Variants in TMCO6 observed in about 807,000 individuals in gnomAD.
TMCO6 encodes transmembrane and coiled-coil domain-containing protein 6.
A neutral mutation model predicts 61.8 loss-of-function variants in TMCO6; 47 were observed. The observed-to-expected ratio is 0.76, with a 90% CI of 0.60 to 0.97. TMCO6 has a LOEUF of 0.97. Ranked by LOEUF, TMCO6 falls within the 50% of genes least tolerant of loss-of-function variation. TMCO6 has a pLI of 0.00. For synonymous variants in TMCO6, 261 were observed against 254.2 expected (o/e 1.03, Z -0.25); for missense variants, 557 against 601.6 (o/e 0.93, Z 0.78).
chr5:140,622,724 C>CAAAAAAAAAAAAA, the TMCO6 span, among the ~76,000 whole-genome samples: 2 of 105,772 alleles, frequency 1.9e-5, no homozygotes, highest in Non-Finnish European at 4.2e-5. Flanking sequence ...GCTTTAGCTA[C>CAAAAAAAAAAAAA]AAAAAAAAAA....
At chr5:140,638,034 G>A (rs977329698), upstream of TMCO6, among the ~76,000 whole-genome samples, 1 of 143,884 alleles carries the variant, frequency 7.0e-6, no homozygotes, top group African/African-American at 2.6e-5. Flanking sequence ...TAGGAATAAC[G>A]CTCAAAATCC....
chr5:140,643,897 C>T lies in TMCO6; in HGVS notation c.1036C>T (p.Leu346=). The part of the protein sequence containing the change: ...ERVVAALFIL[L]QFFFQKQPSL... Reference sequence around the variant, plus strand: ...TGTTGTGGCAGCCTTATTTATCCTTCTGCAGTTCTTTTTCCAGAAACAGCC... The same window carrying T: ...TGTTGTGGCAGCCTTATTTATCCTTTTGCAGTTCTTTTTCCAGAAACAGCC... Residue 346 remains leucine (L), a synonymous_variant, in exon 9 of 12, where the codon CTG becomes TTG. Coordinates refer to ENST00000394671, the MANE Select transcript of TMCO6 (RefSeq NM_018502.5). 6.2e-7 allele frequency: 1 copy of T among 1,614,226 alleles called. No individual in the cohort carries two copies. The highest frequency in any genetic ancestry group is 8.5e-7 in the Non-Finnish European group (1 of 1,180,034).
the TMCO6 span, among the ~76,000 whole-genome samples, chr5:140,604,078 C>A: frequency 6.6e-6 from 1 of 152,228 alleles, no homozygotes; most frequent in Admixed American, 6.5e-5. Flanking sequence ...CTTTAATTTG[C>A]GTTCCCTTTA....
chr5:140,624,091 G>C, the TMCO6 span, among the ~76,000 whole-genome samples: 1 of 152,066 alleles, frequency 6.6e-6, no homozygotes, highest in African/African-American at 2.4e-5. Context: ...TTTAGGCTTG[G>C]CGTGGTGACT....
the TMCO6 span, among the ~76,000 whole-genome samples, chr5:140,616,134 G>GA: frequency 8.9e-3 from 937 of 104,914 alleles, 1 homozygote; most frequent in African/African-American, 0.02. Context: ...TCCATCTCAA[G>GA]AAAAAAAAAA....
In TMCO6 at chr5:140,642,840, G is replaced by A. The variant is rs1757125786; in HGVS notation, c.690-85G>A. The stretch of plus-strand genomic sequence containing the variant: ...CCATCTGGGCAGGGCTTTGGGTTTG[G>A]ACACTCTCCCACCTGCTATCAGGGT... On this transcript the variant is annotated intron_variant, in intron 6 of 11. Transcript: ENST00000394671. The A allele has an allele frequency of 2.5e-6, 4 of 1,608,422 alleles. No homozygotes were observed. In the South Asian group the frequency reaches 4.4e-5, roughly 18 times the overall value.
At chr5:140,629,305 A>G in the TMCO6 span, among the ~76,000 whole-genome samples, 1 of 150,694 alleles carries the variant, frequency 6.6e-6, no homozygotes, top group African/African-American at 2.5e-5. Context: ...CCAAAAAACT[A>G]AAAAAAATAA....
At chr5:140,644,542 CTTTG>C in intron 10 of TMCO6, 27 bp from the exon 11 acceptor site, 1 of 1,605,094 alleles carries the variant, frequency 6.2e-7, no homozygotes, top group South Asian at 1.1e-5. Context: ...GTGTTTCATT[CTTTG>C]TAGACTATAT....
Position 140,641,653 on chromosome 5 carries a change from C to A in TMCO6, c.199-12C>A. On this transcript the variant is annotated splice_polypyrimidine_tract_variant and intron_variant, in intron 2 of 11. Coordinates refer to ENST00000394671, the MANE Select transcript of TMCO6 (RefSeq NM_018502.5). ...GAACCGTGTGTTCTCCTTTCCCTGC[C>A]CTGAACTCCAGGTGCAGCAGTTCCT... 6.2e-7 allele frequency: 1 copy of A among 1,612,092 alleles called. No homozygotes were observed. Among genetic ancestry groups the A allele is most frequent in the East Asian group, 2.2e-5 (1 of 44,872 alleles).
At chr5:140,647,250 AC>A, downstream of TMCO6, 1 of 1,540,798 alleles carries the variant, frequency 6.5e-7, no homozygotes, top group African/African-American at 1.4e-5. Context: ...GGCGTCCCGC[AC>A]TCACCGTAGC....
At chr5:140,625,008 C>T in the TMCO6 span, among the ~76,000 whole-genome samples, 2 of 151,738 alleles carry the variant, frequency 1.3e-5, no homozygotes, top group South Asian at 2.1e-4. Context: ...CGCTTGGCAC[C>T]GCGCCTGGCT....
rs1757074897 is a variant in TMCO6 at position 140,642,074 on chromosome 5, T to C, written c.498+21T>C. 6.9e-6 allele frequency: 11 copies of C among 1,583,924 alleles called. No homozygotes were observed. In the Middle Eastern group the frequency reaches 1.5e-3, roughly 218 times the overall value. On this transcript the variant is annotated intron_variant, in intron 4 of 11. Transcript: ENST00000394671. Reference sequence around the variant, plus strand: ...TCATAGTAAGCCCTGTCCCTTCCTATCTTGTTCTTGGTTTAGATTTTAAAA... The same window carrying C: ...TCATAGTAAGCCCTGTCCCTTCCTACCTTGTTCTTGGTTTAGATTTTAAAA...
chr5:140,609,531 CG>C, the TMCO6 span: 1 of 154,420 alleles, frequency 6.5e-6, no homozygotes, highest in African/African-American at 2.4e-5. Flanking sequence ...GACCCACCCC[CG>C]GGCAGGACCA....
chr5:140,623,698 C>T, the TMCO6 span, among the ~76,000 whole-genome samples: 1 of 152,092 alleles, frequency 6.6e-6, no homozygotes, highest in South Asian at 2.1e-4. Flanking sequence ...ATCCCTGAGC[C>T]CACCTTTTTT....
chr5:140,628,053 C>T, the TMCO6 span, among the ~76,000 whole-genome samples: 50,275 of 148,982 alleles, frequency 0.34, 9,251 homozygotes, highest in African/African-American at 0.48. Context: ...TTGTTGCCCA[C>T]GCTGGAGTGC....
At chr5:140,632,334 C>A in the TMCO6 span, 9 of 1,614,078 alleles carry the variant, frequency 5.6e-6, no homozygotes, top group Non-Finnish European at 7.6e-6. This position sits in a 1 kb window ranked among gnomAD's most constrained non-coding sequence, Gnocchi z 6.2. Context: ...CTTGTGGGGA[C>A]AGAGAGCCGC....
chr5:140,607,837 T>A, the TMCO6 span, among the ~76,000 whole-genome samples: 1 of 150,938 alleles, frequency 6.6e-6, no homozygotes, highest in Admixed American at 6.6e-5. Context: ...TTGCCCAGGC[T>A]GGAGTGCAAT....
At chr5:140,613,344 G>C in the TMCO6 span, among the ~76,000 whole-genome samples, 1 of 143,566 alleles carries the variant, frequency 7.0e-6, no homozygotes, top group Non-Finnish European at 1.5e-5. Flanking sequence ...AGCCGAGATC[G>C]TGCCACTGTA....
chr5:140,621,635 T>C, the TMCO6 span, among the ~76,000 whole-genome samples: 1 of 152,208 alleles, frequency 6.6e-6, no homozygotes, highest in African/African-American at 2.4e-5. Flanking sequence ...ATAAGAGAGA[T>C]AACCTTAAAC....
Sources: gnomAD v4.1 joint callset for allele counts (sites outside exome capture counted in the v4.1 genomes callset) on GRCh38, gnomAD v4.1.1 for gene constraint, Gnocchi (gnomAD v3.1) non-coding constraint, MANE v1.5 for transcripts, NCBI Gene and HGNC (gene_info 2026-07-23, HGNC 2026-07-21) for gene names.